The following WDFY4 variants were observed in gnomAD, a reference collection of about 807,000 sequenced individuals.
WDFY4 encodes the protein WD repeat- and FYVE domain-containing protein 4.
In WDFY4, 169 loss-of-function variants were observed where a neutral mutation model predicts 351.9. The ratio of observed to expected loss-of-function variants is 0.48; its 90% CI spans 0.42 to 0.55. WDFY4 has a LOEUF of 0.55. WDFY4 is among the 20% of genes least tolerant of loss of function. The pLI is 0.00. For missense variants in WDFY4, 3,803 were observed against 3,935.6 expected, an observed-to-expected ratio of 0.97 and a Z score of 0.90; for synonymous variants, 1,622 against 1,574.6, an observed-to-expected ratio of 1.03 and a Z score of -0.71.
Position 48,795,175 on chromosome 10 carries a change from G to A in WDFY4, c.4258-1123G>A, listed in dbSNP as rs150775911. Among the ~76,000 whole-genome samples, 736 of 152,044 alleles carry A rather than the reference G, an allele frequency of 4.8e-3. 4 individuals are homozygous for A. The highest frequency in any genetic ancestry group is 0.016 in the African/African-American group (675 of 41,460). On this transcript the variant is annotated intron_variant, in intron 23 of 61. Coordinates refer to ENST00000325239, the MANE Select transcript of WDFY4 (RefSeq NM_001394531.1). ...CTTGTGACAGGAAGGAATGCAACAC[G>A]TTTGTTAATTTGGTGGTGGGAAAAA...
At chr10:48,772,333 T>C (rs531451860) in intron 13 of WDFY4, among the ~76,000 whole-genome samples, 1 of 152,158 alleles carries the variant, frequency 6.6e-6, no homozygotes, top group East Asian at 1.9e-4. Flanking sequence ...TGTGTGTGTG[T>C]GCACACAGGC....
intron 28 of WDFY4, among the ~76,000 whole-genome samples, chr10:48,809,044 A>G (rs1345653310): frequency 6.6e-6 from 1 of 152,254 alleles, no homozygotes; most frequent in Non-Finnish European, 1.5e-5. Context: ...TAAAGATGAA[A>G]TGAATTAATA....
intron 43 of WDFY4, among the ~76,000 whole-genome samples, chr10:48,886,914 A>G (rs1310935993): frequency 6.6e-6 from 1 of 152,272 alleles, no homozygotes; most frequent in Non-Finnish European, 1.5e-5. Context: ...GATCAATAGA[A>G]TCATGGCATA....
At chr10:48,877,570 C>T (rs2070071901) in intron 43 of WDFY4, among the ~76,000 whole-genome samples, 1 of 152,238 alleles carries the variant, frequency 6.6e-6, no homozygotes, top group Non-Finnish European at 1.5e-5. Flanking sequence ...CCTGACCACC[C>T]TGAGAGGTCC....
At position 48,966,786 on chromosome 10, in the gene WDFY4, CTT is replaced by C. The variant is rs1432423265; in HGVS notation, c.8584+115_8584+116del. ...ACCTGGGCAAAGTATTGGGGACTGA[CTT>C]TGAATGGCTGCATCTCCAGTCACAG... On this transcript the variant is annotated intron_variant, in intron 55 of 61. Coordinates refer to ENST00000325239, the MANE Select transcript of WDFY4 (RefSeq NM_001394531.1). 88 of 1,353,500 alleles carry C rather than the reference CTT, an allele frequency of 6.5e-5. 1 individual carries two copies. The highest frequency in any genetic ancestry group is 8.4e-5 in the Non-Finnish European group (85 of 1,015,116). 83.8% of individuals were successfully genotyped at this position (1,353,500 alleles called of 1,614,324 possible).
At chr10:48,698,904 T>C (rs1418138121) in intron 1 of WDFY4, among the ~76,000 whole-genome samples, 2 of 152,180 alleles carry the variant, frequency 1.3e-5, no homozygotes, top group African/African-American at 4.8e-5. Flanking sequence ...TTTGAAATCT[T>C]CAGAGTGGAC....
chr10:48,872,251 T>C (rs1564435853), intron 40 of WDFY4, among the ~76,000 whole-genome samples: 1 of 152,252 alleles, frequency 6.6e-6, no homozygotes, highest in East Asian at 1.9e-4. Flanking sequence ...TTTGAAATGC[T>C]AGCAGATATC....
intron 40 of WDFY4, among the ~76,000 whole-genome samples, chr10:48,873,077 T>C (rs2663069): frequency 0.56 from 84,886 of 151,292 alleles, 25,160 homozygotes; most frequent in African/African-American, 0.75. Context: ...CACTCCACTC[T>C]AGTTCAGGCA....
chr10:48,805,202 C>T, intron 25 of WDFY4, 58 bp from the exon 26 acceptor site: 1 of 1,507,498 alleles, frequency 6.6e-7, no homozygotes, highest in Non-Finnish European at 8.9e-7. Context: ...AGCAGAAACA[C>T]AGCAAATTTG....
chr10:48,845,887 G>A (rs1425533290), intron 39 of WDFY4, among the ~76,000 whole-genome samples: 2 of 152,188 alleles, frequency 1.3e-5, no homozygotes, highest in African/African-American at 4.8e-5. Context: ...ATGCCACTGT[G>A]GAGTGGTAGG....
chr10:48,784,883 G>A (rs1415464084), intron 19 of WDFY4, among the ~76,000 whole-genome samples: 4 of 121,546 alleles, frequency 3.3e-5, no homozygotes, highest in Non-Finnish European at 6.5e-5. Context: ...AGACGGAGTA[G>A]TCTCGCTCTG....
chr10:48,939,647 C>A lies in WDFY4; in HGVS notation c.7587-2159C>A, dbSNP rs186276109. On this transcript the variant is annotated intron_variant, in intron 47 of 61. Coordinates refer to ENST00000325239, the MANE Select transcript of WDFY4 (RefSeq NM_001394531.1). ...TAAAGAAATACTTTCAACTAATCAC[C>A]AGTTACCAACAAAATTCACATAGAT... 2.2e-3 allele frequency among the ~76,000 whole-genome samples: 341 copies of A among 152,308 alleles called. 1 individual carries two copies. Among genetic ancestry groups the A allele is most frequent in the African/African-American group, 6.3e-3 (264 of 41,576 alleles).
intron 34 of WDFY4, 86 bp downstream of exon 34, chr10:48,821,262 C>T: frequency 9.0e-7 from 1 of 1,107,262 alleles, no homozygotes; most frequent in Non-Finnish European, 1.3e-6. Context: ...CAGGAACTGA[C>T]CCTAGCTGTG....
chr10:48,730,783 C>A (rs931384736), intron 8 of WDFY4, among the ~76,000 whole-genome samples: 2 of 152,196 alleles, frequency 1.3e-5, no homozygotes, highest in South Asian at 4.1e-4. Context: ...ATATTACCAT[C>A]TCAATGTATG....
intron 32 of WDFY4, 127 bp downstream of exon 32, chr10:48,817,536 C>CA: frequency 8.3e-7 from 1 of 1,208,796 alleles, no homozygotes. Flanking sequence ...TTGAGCGGAA[C>CA]ATTGAATAAG....
chr10:48,906,594 G>A (rs1023776347), intron 47 of WDFY4, among the ~76,000 whole-genome samples: 3 of 152,168 alleles, frequency 2.0e-5, no homozygotes, highest in South Asian at 2.1e-4. Context: ...GTTGAATACC[G>A]GCAGGATTTT....
chr10:48,825,165 T>G (rs2067953040), intron 35 of WDFY4, among the ~76,000 whole-genome samples: 1 of 152,186 alleles, frequency 6.6e-6, no homozygotes, highest in Non-Finnish European at 1.5e-5. Flanking sequence ...CCTGTATCCA[T>G]GTGTTCTCAT....
At chr10:48,910,679 C>T (rs1431886243) in intron 47 of WDFY4, among the ~76,000 whole-genome samples, 3 of 152,222 alleles carry the variant, frequency 2.0e-5, no homozygotes, top group Admixed American at 1.3e-4. Flanking sequence ...ATGTCTCAAT[C>T]CTGGTAAAGT....
At chr10:48,945,585 G>C (rs1188944845) in intron 49 of WDFY4, among the ~76,000 whole-genome samples, 3 of 152,174 alleles carry the variant, frequency 2.0e-5, no homozygotes, top group Non-Finnish European at 4.4e-5. Context: ...GCCCAGAAAG[G>C]AGTGAACCTC....
Sources: allele counts gnomAD v4.1 joint callset (sites outside exome capture counted in the v4.1 genomes callset), GRCh38; gene constraint gnomAD v4.1.1; transcripts MANE v1.5; gene names NCBI Gene and HGNC (gene_info 2026-07-23, HGNC 2026-07-21).